The following BAIAP2 variants were observed in gnomAD, a reference collection of about 807,000 sequenced individuals.
BAIAP2 encodes the protein BAR/IMD domain-containing adapter protein 2.
In BAIAP2, 18 loss-of-function variants were observed where a neutral mutation model predicts 63.0. That is an observed-to-expected ratio of 0.29 (90% confidence interval 0.20 to 0.42). BAIAP2 has a LOEUF of 0.42. BAIAP2 is among the 10% of genes least tolerant of loss of function. The pLI, the probability that BAIAP2 is intolerant of heterozygous loss-of-function variation, is 1.00. For missense variants in BAIAP2, 610 were observed against 734.3 expected, an observed-to-expected ratio of 0.83 and a Z score of 1.96; for synonymous variants, 386 against 307.6, an observed-to-expected ratio of 1.25 and a Z score of -2.67.
At chr17:81,101,412 C>T (rs949962548) in intron 7 of BAIAP2, among the ~76,000 whole-genome samples, 1 of 152,186 alleles carries the variant, frequency 6.6e-6, no homozygotes, top group Admixed American at 6.5e-5. Flanking sequence ...CAGCAGGCCC[C>T]TGTTCACCCA....
chr17:81,102,069 G>A (rs1330591165), intron 7 of BAIAP2, among the ~76,000 whole-genome samples: 1 of 151,174 alleles, frequency 6.6e-6, no homozygotes, highest in African/African-American at 2.4e-5. Context: ...GGGGTTGCGG[G>A]ATGTGCCTGC....
chr17:81,110,073 G>A, intron 13 of BAIAP2: 2 of 985,356 alleles, frequency 2.0e-6, no homozygotes, highest in Non-Finnish European at 2.4e-6. Context: ...TTCCCACACT[G>A]AACTCTGGGG....
intron 3 of BAIAP2, among the ~76,000 whole-genome samples, chr17:81,074,936 G>C (rs2053405296): frequency 6.6e-6 from 1 of 152,262 alleles, no homozygotes; most frequent in Non-Finnish European, 1.5e-5. Context: ...CTTCTCTCCA[G>C]GTTGGAAAGG....
At chr17:81,074,488 G>A (rs565056089) in intron 3 of BAIAP2, among the ~76,000 whole-genome samples, 79 of 151,762 alleles carry the variant, frequency 5.2e-4, no homozygotes, top group Non-Finnish European at 1.1e-3. Flanking sequence ...ACATGTGAAT[G>A]CCTGTGTCTG....
chr17:81,104,763 AGT>A (rs766995726), intron 10 of BAIAP2, 48 bp downstream of exon 10: 7 of 1,513,714 alleles, frequency 4.6e-6, no homozygotes, highest in Non-Finnish European at 6.3e-6. Context: ...GCCTTCAGCA[AGT>A]GTGTGGGGCA....
intron 13 of BAIAP2, among the ~76,000 whole-genome samples, chr17:81,111,565 C>T (rs879742083): frequency 2.6e-5 from 4 of 151,510 alleles, no homozygotes; most frequent in Admixed American, 6.6e-5. Flanking sequence ...GATCTGCAGA[C>T]CTGGAGGGCT....
intron 2 of BAIAP2, among the ~76,000 whole-genome samples, chr17:81,054,406 C>T (rs1031794936): frequency 1.3e-5 from 2 of 152,146 alleles, no homozygotes; most frequent in African/African-American, 4.8e-5. Flanking sequence ...TGGTCAGGAG[C>T]GAAAGGAGGT....
chr17:81,065,296 G>A (rs923463715), intron 3 of BAIAP2, among the ~76,000 whole-genome samples: 10 of 152,100 alleles, frequency 6.6e-5, no homozygotes, highest in African/African-American at 2.4e-4. Flanking sequence ...AAGCAGTGCT[G>A]TGCCCGTCCC....
intron 3 of BAIAP2, among the ~76,000 whole-genome samples, chr17:81,081,857 C>T (rs1363688981): frequency 6.6e-6 from 1 of 152,180 alleles, no homozygotes; most frequent in Non-Finnish European, 1.5e-5. Flanking sequence ...GGCCCTGCCC[C>T]ACTCCACAGG....
chr17:81,108,703 C>T, intron 13 of BAIAP2, 194 bp downstream of exon 13: 1 of 853,464 alleles, frequency 1.2e-6, no homozygotes. Context: ...CCCCCCTGGG[C>T]CCTGCCCCTC....
intron 2 of BAIAP2, among the ~76,000 whole-genome samples, chr17:81,055,553 C>T (rs540335746): frequency 1.1e-3 from 57 of 52,384 alleles, no homozygotes; most frequent in Non-Finnish European, 1.7e-3. Context: ...CTTCCTCCAG[C>T]GAAAGTCTGC....
intron 13 of BAIAP2, among the ~76,000 whole-genome samples, chr17:81,112,523 G>A (rs2060037383): frequency 6.6e-6 from 1 of 152,236 alleles, no homozygotes; most frequent in Non-Finnish European, 1.5e-5. Context: ...GTGGAGGGGC[G>A]AGCGTCCCTG....
At chr17:81,081,629 CT>C (rs2054623476) in intron 3 of BAIAP2, among the ~76,000 whole-genome samples, 1 of 152,216 alleles carries the variant, frequency 6.6e-6, no homozygotes, top group Non-Finnish European at 1.5e-5. Context: ...TCCTTGATCC[CT>C]TCCCTGCACA....
In BAIAP2 at chr17:81,053,288, G is replaced by A. The variant is rs563153822; in HGVS notation, c.55-380G>A. On this transcript the variant is annotated intron_variant, in intron 1 of 13. Transcript: ENST00000428708. ...CGTCGTTGAGCGATTGTGTATGGCC[G>A]GTGGGGGGCCCTTCTGGGCTGACTC... 4.4e-5 allele frequency: 10 copies of A among 227,052 alleles called. No homozygotes were observed. The East Asian group carries it at 6.2e-4, about 14-fold the overall frequency. The allele number at this position is 227,052 out of a possible 1,614,324, so 14.1% of individuals were successfully genotyped here.
At chr17:81,065,953 G>T (rs1293573388) in intron 3 of BAIAP2, among the ~76,000 whole-genome samples, 2 of 152,244 alleles carry the variant, frequency 1.3e-5, no homozygotes, top group Non-Finnish European at 2.9e-5. Context: ...TCATTGCAGT[G>T]AGCGGGGCCG....
At chr17:81,105,056 A>G in intron 10 of BAIAP2, 1 of 229,334 alleles carries the variant, frequency 4.4e-6, no homozygotes. Context: ...TCCCCATGGC[A>G]GGGGTCTCCC....
At chr17:81,086,734 G>A (rs930952322) in intron 6 of BAIAP2, among the ~76,000 whole-genome samples, 154 bp downstream of exon 6, 2 of 152,202 alleles carry the variant, frequency 1.3e-5, no homozygotes, top group African/African-American at 4.8e-5. Flanking sequence ...GGAGCGGTGG[G>A]CCTGACGCCC....
chr17:81,042,016 C>T (rs895313385), intron 1 of BAIAP2, among the ~76,000 whole-genome samples: 20 of 152,300 alleles, frequency 1.3e-4, no homozygotes, highest in African/African-American at 4.6e-4. Flanking sequence ...GTCCACTGGG[C>T]ACCTGCCCCT....
chr17:81,084,803 C>T, intron 3 of BAIAP2, 29 bp from the exon 4 acceptor site: 4 of 1,610,638 alleles, frequency 2.5e-6, no homozygotes, highest in Non-Finnish European at 3.4e-6. Context: ...CTGACTCCCT[C>T]CCCTTCCTTC....
Sources: allele counts gnomAD v4.1 joint callset (sites outside exome capture counted in the v4.1 genomes callset), GRCh38; gene constraint gnomAD v4.1.1; transcripts MANE v1.5; gene names NCBI Gene and HGNC (gene_info 2026-07-23, HGNC 2026-07-21).